The following RANBP3L variants were observed in gnomAD, a reference collection of about 807,000 sequenced individuals.
RANBP3L encodes ran-binding protein 3-like.
A neutral mutation model predicts 67.2 loss-of-function variants in RANBP3L; 56 were observed. The observed-to-expected ratio is 0.83, with a 90% CI of 0.67 to 1.04. RANBP3L has a LOEUF of 1.04. RANBP3L is among the 50% of genes least tolerant of loss of function. The pLI, the probability that RANBP3L is intolerant of heterozygous loss-of-function variation, is 0.00. For missense variants in RANBP3L, 496 were observed against 535.5 expected (o/e 0.93, Z 0.73); for synonymous variants, 164 against 181.4 (o/e 0.90, Z 0.77).
chr5:36,272,876 C>T lies in RANBP3L; in HGVS notation c.92-1565G>A, dbSNP rs977689967. On this transcript the variant is annotated intron_variant, in intron 1 of 13. Transcript: ENST00000296604. ...CACGCTGGTCTCGACCTCCTGACCTCGGTGATCCACCCACCTTGGCCTCCC... is the reference window on the plus strand; with the variant it reads ...CACGCTGGTCTCGACCTCCTGACCTTGGTGATCCACCCACCTTGGCCTCCC... Among the ~76,000 whole-genome samples the T allele has an allele frequency of 9.9e-5, 15 of 152,088 alleles. No homozygotes were observed. The East Asian group carries it at 1.9e-3, about 20-fold the overall frequency.
chr5:36,277,079 G>T (rs1414343382), intron 1 of RANBP3L, among the ~76,000 whole-genome samples: 1 of 152,232 alleles, frequency 6.6e-6, no homozygotes, highest in African/African-American at 2.4e-5. Context: ...AGAGGGGCAG[G>T]CACTGCCAAA....
At chr5:36,296,440 C>T (rs139521099) in intron 1 of RANBP3L, among the ~76,000 whole-genome samples, 8 of 152,194 alleles carry the variant, frequency 5.3e-5, no homozygotes, top group Admixed American at 2.0e-4. Context: ...ATGAGGAATT[C>T]CAACATGTCT....
chr5:36,268,630 T>A (rs1022769916), intron 4 of RANBP3L, among the ~76,000 whole-genome samples: 4 of 151,982 alleles, frequency 2.6e-5, no homozygotes, highest in Non-Finnish European at 5.9e-5. Context: ...ACAAGCAAAC[T>A]AAGTTACTGG....
intron 1 of RANBP3L, among the ~76,000 whole-genome samples, chr5:36,295,154 G>A (rs958146980): frequency 6.6e-6 from 1 of 151,932 alleles, no homozygotes; most frequent in Non-Finnish European, 1.5e-5. Context: ...AAGTAAAATT[G>A]CAGGGTAACA....
chr5:36,257,409 A>G (rs746314654), intron 9 of RANBP3L, 45 bp downstream of exon 9: 54 of 821,506 alleles, frequency 6.6e-5, no homozygotes, highest in Non-Finnish European at 9.5e-5. Flanking sequence ...AAAACAGGAG[A>G]CAAACTAGGT....
Position 36,301,426 on chromosome 5 carries a change from A to G in RANBP3L, c.-10T>C. The stretch of plus-strand genomic sequence containing the variant: ...TTGGTATGGTAGTCATGGTCCTAGC[A>G]GTATGGCTGTGACTCAAGGATCACT... On this transcript the variant is annotated 5_prime_UTR_variant, in exon 1 of 14. Transcript: ENST00000296604. The G allele has an allele frequency of 6.2e-7, 1 of 1,611,040 alleles. No individual in the cohort carries two copies. The highest frequency in any genetic ancestry group is 8.5e-7 in the Non-Finnish European group (1 of 1,178,140).
chr5:36,270,262 A>G, intron 2 of RANBP3L, among the ~76,000 whole-genome samples: 1 of 152,148 alleles, frequency 6.6e-6, no homozygotes, highest in South Asian at 2.1e-4. Context: ...TTATAGTTCA[A>G]TGGCTGCAGA....
chr5:36,256,972 G>A lies in RANBP3L; in HGVS notation c.872C>T (p.Thr291Ile). The change falls in exon 10 of 14, where the codon ACA becomes ATA. Residue 291 changes from threonine (T) to isoleucine (I), a missense_variant. By Grantham distance (89) the Thr-to-Ile change is moderately conservative. Coordinates refer to ENST00000296604, the MANE Select transcript of RANBP3L (RefSeq NM_145000.5). ...KCLLEKIDVI[T>I]GEETEHNVLK... Reference sequence around the variant, plus strand: ...CACATTATGTTCTGTTTCCTCCCCTGTTATAACATCAATTTTCTCCAGCAA... The same window carrying A: ...CACATTATGTTCTGTTTCCTCCCCTATTATAACATCAATTTTCTCCAGCAA... 1 of 1,613,036 alleles carries A rather than the reference G, an allele frequency of 6.2e-7. No homozygotes were observed. The highest frequency in any genetic ancestry group is 8.5e-7 in the Non-Finnish European group (1 of 1,179,330).
chr5:36,269,515 T>C (rs372073748), intron 3 of RANBP3L, 48 bp from the exon 4 acceptor site: 1 of 1,065,200 alleles, frequency 9.4e-7, no homozygotes, highest in African/African-American at 1.5e-5. Context: ...GATAATAAAT[T>C]ATCCTCAACT....
intron 4 of RANBP3L, 115 bp from the exon 5 acceptor site, chr5:36,265,635 A>G: frequency 1.7e-6 from 1 of 605,016 alleles, no homozygotes; most frequent in Non-Finnish European, 2.9e-6. Context: ...ATTGGCACTA[A>G]CAGAGTAGTA....
intron 1 of RANBP3L, among the ~76,000 whole-genome samples, chr5:36,278,470 T>C (rs1210453712): frequency 5.9e-5 from 9 of 152,068 alleles, no homozygotes; most frequent in African/African-American, 2.2e-4. Flanking sequence ...TGCTAATACT[T>C]GATAAGCAGT....
intron 1 of RANBP3L, among the ~76,000 whole-genome samples, chr5:36,295,621 A>T (rs1752152014): frequency 6.6e-6 from 1 of 150,726 alleles, no homozygotes; most frequent in Non-Finnish European, 1.5e-5. Context: ...CTCCTGCAAC[A>T]GTGCACGAGG....
At position 36,261,996 on chromosome 5, in the gene RANBP3L, G is replaced by A. The variant is rs773175345; in HGVS notation, c.527C>T (p.Ala176Val). Residue 176 changes from alanine to valine, a missense_variant, in exon 7 of 14, where the codon GCT (alanine) becomes GTT (valine). Ala to Val is a moderately conservative substitution (Grantham distance 64). Coordinates refer to ENST00000296604, the MANE Select transcript of RANBP3L (RefSeq NM_145000.5). ...AGTAGACAGCTGGACTGAAATTCTA[G>A]CCCTTGATAAATTTTCACTTAACAA... ...SYLLSENLSRARISVQLSTNQ... is the reference protein window; with the variant it reads ...SYLLSENLSRVRISVQLSTNQ... 6.2e-7 allele frequency: 1 copy of A among 1,605,882 alleles called. No homozygotes were observed. Among genetic ancestry groups the A allele is most frequent in the South Asian group, 1.1e-5 (1 of 90,406 alleles).
rs1248144953 is a variant in RANBP3L at position 36,247,842 on chromosome 5, C to T, written c.*1812G>A. The stretch of plus-strand genomic sequence containing the variant: ...GGGGGAGGTTGAAGTGAGCCGAAAT[C>T]GTGCCACTGCACTCCAACCTGGGTG... On this transcript the variant is annotated 3_prime_UTR_variant, in exon 14 of 14. Coordinates refer to ENST00000296604, the MANE Select transcript of RANBP3L (RefSeq NM_145000.5). Among the ~76,000 whole-genome samples the T allele has an allele frequency of 1.3e-5, 2 of 152,170 alleles. No individual in the cohort carries two copies. Among genetic ancestry groups the T allele is most frequent in the Non-Finnish European group, 2.9e-5 (2 of 68,032 alleles).
chr5:36,281,035 T>C (rs1038895336), intron 1 of RANBP3L, among the ~76,000 whole-genome samples: 1 of 152,160 alleles, frequency 6.6e-6, no homozygotes, highest in African/African-American at 2.4e-5. Context: ...TAAGACATAT[T>C]TACATATATT....
rs141792975 is a variant in RANBP3L, at chr5:36,295,325, G to A, written c.91+6001C>T. Among the ~76,000 whole-genome samples the A allele has an allele frequency of 6.4e-3, 968 of 152,006 alleles. 13 individuals carry two copies. The highest frequency in any genetic ancestry group is 0.023 in the African/African-American group (940 of 41,400). ...TCATGGGGGCTGTTACCCCCATGCT[G>A]TTCTCATGATAGTGAGTTCTCATGA... On this transcript the variant is annotated intron_variant, in intron 1 of 13. Coordinates refer to ENST00000296604, the MANE Select transcript of RANBP3L (RefSeq NM_145000.5).
At chr5:36,254,844 A>T (rs1363843) in intron 11 of RANBP3L, among the ~76,000 whole-genome samples, 1 of 151,828 alleles carries the variant, frequency 6.6e-6, no homozygotes, top group Non-Finnish European at 1.5e-5. Context: ...TGCCCATTGC[A>T]TTATTTTGAA....
At position 36,261,452 on chromosome 5, in the gene RANBP3L, T is replaced by C. The variant is rs187522379; in HGVS notation, c.584+487A>G. 3.0e-3 allele frequency among the ~76,000 whole-genome samples: 454 copies of C among 152,276 alleles called. 1 individual carries two copies. Among genetic ancestry groups the C allele is most frequent in the Non-Finnish European group, 4.3e-3 (291 of 68,018 alleles). On this transcript the variant is annotated intron_variant, in intron 7 of 13. Transcript: ENST00000296604. ...GCTACCGCACCTGGACAGAGCCCAGTCATGTGAGTCAGTTTATATCCACAG... is the reference window on the plus strand; with the variant it reads ...GCTACCGCACCTGGACAGAGCCCAGCCATGTGAGTCAGTTTATATCCACAG...
chr5:36,252,985 A>G (rs765463189), intron 12 of RANBP3L, among the ~76,000 whole-genome samples: 7 of 151,934 alleles, frequency 4.6e-5, no homozygotes, highest in African/African-American at 1.7e-4. Context: ...CAGTCAGTCC[A>G]TGGGGAAATC....
Sources: gnomAD v4.1 joint callset for allele counts (sites outside exome capture counted in the v4.1 genomes callset) on GRCh38, gnomAD v4.1.1 for gene constraint, MANE v1.5 for transcripts, NCBI Gene and HGNC (gene_info 2026-07-23, HGNC 2026-07-21) for gene names.